The following MTUS1 variants were observed in gnomAD, a reference collection of about 807,000 sequenced individuals.
MTUS1 encodes microtubule associated scaffold protein 1, also known as microtubule-associated tumor suppressor 1.
A neutral mutation model predicts 120.8 loss-of-function variants in MTUS1; 109 were observed. The ratio of observed to expected loss-of-function variants is 0.90; its 90% CI spans 0.77 to 1.06. The LOEUF (loss-of-function observed/expected upper bound fraction) is 1.06. Ranked by LOEUF, MTUS1 falls within the 50% of genes least tolerant of loss-of-function variation. The probability of loss-of-function intolerance (pLI) is 0.00; values close to 1 mark genes in which losing one functional copy is unlikely to be tolerated. For missense variants in MTUS1, 2,210 were observed against 1,486.3 expected, an observed-to-expected ratio of 1.49 and a Z score of -8.01; for synonymous variants, 737 against 550.5, an observed-to-expected ratio of 1.34 and a Z score of -4.74.
chr8:17,648,110 C>G (rs1019094974), intron 13 of MTUS1, among the ~76,000 whole-genome samples: 55 of 152,144 alleles, frequency 3.6e-4, no homozygotes, highest in African/African-American at 1.3e-3. Context: ...ATATCTCATC[C>G]TAGGGAAACT....
At chr8:17,735,726 C>T (rs571695743) in intron 3 of MTUS1, among the ~76,000 whole-genome samples, 3 of 152,268 alleles carry the variant, frequency 2.0e-5, no homozygotes, top group South Asian at 2.1e-4. Context: ...CACAGTGCTT[C>T]GCACAGGTCT....
intron 6 of MTUS1, among the ~76,000 whole-genome samples, chr8:17,704,471 A>G (rs1819743149): frequency 6.6e-6 from 1 of 152,132 alleles, no homozygotes; most frequent in Non-Finnish European, 1.5e-5. Flanking sequence ...TAAGGGTCCA[A>G]TTTCATTATT....
intron 12 of MTUS1, 34 bp downstream of exon 12, chr8:17,653,152 A>C (rs1807394948): frequency 7.7e-7 from 1 of 1,294,440 alleles, no homozygotes; most frequent in Non-Finnish European, 1.1e-6. Flanking sequence ...GAGAAGAAAA[A>C]TTCCATACTG....
In MTUS1 at chr8:17,775,499, G is replaced by A. The variant is rs148119758; in HGVS notation, c.-154-19538C>T. 2.5e-3 allele frequency among the ~76,000 whole-genome samples: 380 copies of A among 152,276 alleles called. 1 individual carries two copies. The highest frequency in any genetic ancestry group is 8.9e-3 in the African/African-American group (368 of 41,558). On this transcript the variant is annotated intron_variant, in intron 1 of 14. Coordinates refer to ENST00000693296, the MANE Select transcript of MTUS1 (RefSeq NM_001363059.2). Reference sequence around the variant, plus strand: ...TCACGCCCTACACACCTGCCAGGTGGAAGCTTTTCTAAGCTAGATGGTCGC... The same window carrying A: ...TCACGCCCTACACACCTGCCAGGTGAAAGCTTTTCTAAGCTAGATGGTCGC...
intron 8 of MTUS1, chr8:17,674,769 T>C (rs894653231): frequency 3.0e-6 from 3 of 1,004,660 alleles, no homozygotes; most frequent in Non-Finnish European, 3.6e-6. Context: ...TTCAACTTCA[T>C]ACTCACTACT....
intron 4 of MTUS1, chr8:17,721,881 A>T (rs749889828): frequency 6.2e-7 from 1 of 1,613,960 alleles, no homozygotes; most frequent in Admixed American, 1.7e-5. Flanking sequence ...TACAACTGCG[A>T]AATCCTCCTG....
chr8:17,756,671 A>AACCCCCCCCCCCCC (rs2048636698), intron 1 of MTUS1, among the ~76,000 whole-genome samples: 2 of 117,484 alleles, frequency 1.7e-5, no homozygotes, highest in Non-Finnish European at 3.4e-5. Flanking sequence ...TCAAGCCCAA[A>AACCCCCCCCCCCCC]CCCCCACCCC....
intron 6 of MTUS1, among the ~76,000 whole-genome samples, chr8:17,689,130 G>C (rs1270028530): frequency 6.6e-6 from 1 of 152,134 alleles, no homozygotes; most frequent in East Asian, 1.9e-4. Context: ...AGAATCACTT[G>C]AATCCGGGAG....
rs147477358 is a variant in MTUS1, at chr8:17,683,601, T to C, written c.2838+727A>G. On this transcript the variant is annotated intron_variant, in intron 7 of 14. Coordinates refer to ENST00000693296, the MANE Select transcript of MTUS1 (RefSeq NM_001363059.2). ...GCCACAGTACTGAGCCAGTCTTTTT[T>C]TTTCCCCTTTGCATTATCATGTATA... Among the ~76,000 whole-genome samples the C allele has an allele frequency of 7.0e-3, 1,071 of 152,274 alleles. 3 individuals carry two copies. The highest frequency in any genetic ancestry group is 0.011 in the Non-Finnish European group (759 of 68,022).
intron 4 of MTUS1, 32 bp from the exon 5 acceptor site, chr8:17,715,933 T>C (rs1230466115): frequency 1.3e-6 from 2 of 1,595,036 alleles, no homozygotes; most frequent in Middle Eastern, 1.7e-4. Flanking sequence ...CATTTTATTG[T>C]ATAGATAAAC....
rs371344674 is a variant in MTUS1, at chr8:17,654,688, G to T, written c.3109-22C>A. 4.8e-5 allele frequency: 76 copies of T among 1,572,626 alleles called. No individual in the cohort carries two copies. In the South Asian group the frequency reaches 7.3e-4, roughly 15 times the overall value. On this transcript the variant is annotated intron_variant, in intron 9 of 14. Transcript: ENST00000693296. ...CAAACTGTAAGCAACAAACAAAACCGTGGTTTAACAGTAAAACCAAATGTC... is the reference window on the plus strand; with the variant it reads ...CAAACTGTAAGCAACAAACAAAACCTTGGTTTAACAGTAAAACCAAATGTC...
At chr8:17,675,901 T>C (rs1422649126) in intron 7 of MTUS1, 1 of 177,228 alleles carries the variant, frequency 5.6e-6, no homozygotes, top group African/African-American at 2.4e-5. Flanking sequence ...GTTTTTAGTA[T>C]CAGAGAAGCA....
At chr8:17,683,834 C>G (rs1815148551) in intron 7 of MTUS1, among the ~76,000 whole-genome samples, 1 of 151,746 alleles carries the variant, frequency 6.6e-6, no homozygotes, top group Non-Finnish European at 1.5e-5. Flanking sequence ...ATCTGCTTTG[C>G]TTTTGTTGCA....
At chr8:17,708,844 G>T (rs568673262) in intron 6 of MTUS1, 2 of 152,114 alleles carry the variant, frequency 1.3e-5, no homozygotes, top group Admixed American at 1.3e-4. Context: ...AAAAGGTTAC[G>T]AATTCTGAGA....
intron 3 of MTUS1, among the ~76,000 whole-genome samples, chr8:17,729,048 A>G (rs2046394356): frequency 1.3e-5 from 2 of 152,246 alleles, no homozygotes; most frequent in African/African-American, 4.8e-5. Flanking sequence ...ACTAACAGAC[A>G]CAGTTAAAAT....
At chr8:17,666,859 G>A (rs777291398) in intron 8 of MTUS1, among the ~76,000 whole-genome samples, 8 of 152,062 alleles carry the variant, frequency 5.3e-5, no homozygotes, top group Admixed American at 1.3e-4. Context: ...ATGGGTATAG[G>A]AGACGTTGGG....
intron 1 of MTUS1, among the ~76,000 whole-genome samples, chr8:17,793,989 G>A (rs1193934368): frequency 1.3e-5 from 2 of 152,080 alleles, no homozygotes; most frequent in South Asian, 2.1e-4. Flanking sequence ...TTCTACCTCA[G>A]TGTTTGGCCC....
chr8:17,670,256 G>A (rs1811744680), intron 8 of MTUS1, among the ~76,000 whole-genome samples: 1 of 152,182 alleles, frequency 6.6e-6, no homozygotes, highest in Non-Finnish European at 1.5e-5. Flanking sequence ...CCTGGGGGCA[G>A]CCCCTCACTG....
chr8:17,653,022 C>A, intron 12 of MTUS1, among the ~76,000 whole-genome samples, 164 bp downstream of exon 12: 1 of 152,072 alleles, frequency 6.6e-6, no homozygotes, highest in East Asian at 1.9e-4. Context: ...AAACAAGACG[C>A]CAGTAAGCAA....
Sources: allele counts gnomAD v4.1 joint callset (sites outside exome capture counted in the v4.1 genomes callset), GRCh38; gene constraint gnomAD v4.1.1; transcripts MANE v1.5; gene names NCBI Gene and HGNC (gene_info 2026-07-23, HGNC 2026-07-21).